MMAB: variants seen among roughly 807,000 people sequenced by gnomAD.
MMAB encodes the protein metabolism of cobalamin associated B.
A neutral mutation model predicts 30.6 loss-of-function variants in MMAB; 17 were observed. That is an observed-to-expected ratio of 0.56 (90% CI 0.38 to 0.83). The LOEUF (loss-of-function observed/expected upper bound fraction) is 0.83, where lower values mean the gene tolerates loss of function less well. Among genes scored for constraint, MMAB ranks in the 40% least tolerant of loss-of-function variants. The pLI is 0.00. For synonymous variants in MMAB, 134 were observed against 138.6 expected (o/e 0.97, Z 0.23); for missense variants, 311 against 331.6 (o/e 0.94, Z 0.48).
rs1483891895 is a variant in MMAB at position 109,558,378 on chromosome 12, G to A, written c.644+718C>T. Among the ~76,000 whole-genome samples the A allele has an allele frequency of 6.6e-6, 1 of 152,162 alleles. No individual in the cohort carries two copies. The highest frequency in any genetic ancestry group is 1.5e-5 in the Non-Finnish European group (1 of 68,024). ...TGCTCAGGACCCGTCAAAGCGCCAT[G>A]TCTCTGGGAGGAGTGGCCACAGTCA... On this transcript the variant is annotated intron_variant, in intron 8 of 8. Transcript: ENST00000545712. This position sits in a 1 kb window ranked among gnomAD's most constrained non-coding sequence, Gnocchi z 4.3.
chr12:109,557,988 C>A (rs1055507198), intron 8 of MMAB, among the ~76,000 whole-genome samples: 2 of 152,228 alleles, frequency 1.3e-5, no homozygotes, highest in African/African-American at 4.8e-5. Flanking sequence ...CTGTCCGCAC[C>A]TTTTGCTGTT....
Position 109,556,648 on chromosome 12 carries a change from T to TCACACACACACACACACACACACA in MMAB, c.*356_*379dup, listed in dbSNP as rs67024670. The TCACACACACACACACACACACACA allele has an allele frequency of 3.3e-6, 1 of 299,376 alleles. No homozygotes were observed. The highest frequency in any genetic ancestry group is 3.5e-5 in the Admixed American group (1 of 28,910). The allele number at this position is 299,376 out of a possible 1,614,324, so 18.5% of individuals were successfully genotyped here. A position where few individuals can be genotyped will look rare whatever the true frequency, so the allele number is the denominator to read the frequency against. The stretch of plus-strand genomic sequence containing the variant: ...GAGCTGGCAGTGGGAGGGCTCTCTC[T>TCACACACACACACACACACACACA]CACACACACACACACACACACACAC... On this transcript the variant is annotated 3_prime_UTR_variant, in exon 9 of 9. Transcript: ENST00000545712.
rs1204546700 is a variant in MMAB, at chr12:109,561,820, G to A, written c.381C>T (p.Ala127=). 1 of 1,609,610 alleles carries A rather than the reference G, an allele frequency of 6.2e-7. No individual in the cohort carries two copies. The highest frequency in any genetic ancestry group is 1.7e-5 in the Admixed American group (1 of 59,708). The change falls in exon 5 of 9, where the codon GCC becomes GCT. Residue 127 remains alanine, a synonymous_variant. Coordinates refer to ENST00000545712, the MANE Select transcript of MMAB (RefSeq NM_052845.4). The surrounding 1 kb of genome is among the most constrained non-coding windows in gnomAD (Gnocchi z 5.3). Reference sequence around the variant, plus strand: ...GGGCCGAGGAGCATGGTGTCGCCAGGGCCGAGCCGACGTCCTGCAATGTGC... The same window carrying A: ...GGGCCGAGGAGCATGGTGTCGCCAGAGCCGAGCCGACGTCCTGCAATGTGC... ...IQCTLQDVGS[A]LATPCSSARE... is the part of the protein sequence containing the mutation.
In MMAB at chr12:109,553,886, C is replaced by T. The variant is rs747166756; in HGVS notation, c.*3142G>A. ...GCAGCAAGGGTGACATTGCCACTGA[C>T]GGGGGCTTCCGAACTGGGGACGTTT... On this transcript the variant is annotated 3_prime_UTR_variant, in exon 9 of 9. Coordinates refer to ENST00000545712, the MANE Select transcript of MMAB (RefSeq NM_052845.4). The T allele has an allele frequency of 2.6e-4, 118 of 453,898 alleles. 1 individual carries two copies. Among genetic ancestry groups the T allele is most frequent in the Middle Eastern group, 6.8e-4 (1 of 1,464 alleles). The allele number at this position is 453,898 out of a possible 1,614,324, so 28.1% of individuals were successfully genotyped here.
chr12:109,561,439 A>G lies in MMAB; in HGVS notation c.500T>C (p.Leu167Pro). Residue 167 changes from leucine (L) to proline (P), a missense_variant, in exon 6 of 9, where the codon CTC becomes CCC. Transcript: ENST00000545712. The surrounding 1 kb of genome is among the most constrained non-coding windows in gnomAD (Gnocchi z 5.3). ...IDKYTSQLPP[L>P]TAFILPSGGK... ...ACCTACAGGCAGGATGAAGGCCGTGAGTGGTGGGAGCTGGCTGGTGTACTT... is the reference window on the plus strand; with the variant it reads ...ACCTACAGGCAGGATGAAGGCCGTGGGTGGTGGGAGCTGGCTGGTGTACTT... 6.4e-7 allele frequency: 1 copy of G among 1,550,916 alleles called. No homozygotes were observed.
rs577753987 is a variant in MMAB at position 109,561,453 on chromosome 12, G to C, written c.486C>G (p.Ser162Arg). The C allele has an allele frequency of 1.3e-6, 2 of 1,550,830 alleles. No individual in the cohort carries two copies. Among genetic ancestry groups the C allele is most frequent in the African/African-American group, 1.4e-5 (1 of 73,180 alleles). ...TGAAGGCCGTGAGTGGTGGGAGCTG[G>C]CTGGTGTACTTGTCGATCCACTGCT... ...ELEQWIDKYT[S>R]QLPPLTAFIL... The change falls in exon 6 of 9, where the codon AGC (serine) becomes AGG (arginine). Residue 162 changes from serine to arginine, a missense_variant. By Grantham distance (110) the Ser-to-Arg change is moderately radical. Transcript: ENST00000545712. The surrounding 1 kb of genome is among the most constrained non-coding windows in gnomAD (Gnocchi z 5.3).
chr12:109,557,181 A>T, intron 8 of MMAB, 45 bp from the exon 9 acceptor site: 6 of 1,301,994 alleles, frequency 4.6e-6, no homozygotes, highest in Non-Finnish European at 5.6e-6. Context: ...GTTTGAAATG[A>T]GAGATCAACG....
rs1430703241 is a variant in MMAB, at chr12:109,554,030, C to T, written c.*2998G>A. The T allele has an allele frequency of 2.2e-6, 1 of 454,140 alleles. No homozygotes were observed. Among genetic ancestry groups the T allele is most frequent in the Non-Finnish European group, 4.4e-6 (1 of 226,806 alleles). The allele number at this position is 454,140 out of a possible 1,614,324, so 28.1% of individuals were successfully genotyped here. A position where few individuals can be genotyped will look rare whatever the true frequency, so the allele number is the denominator to read the frequency against. ...AGGTTGAGAAATGAGACAGCAGGAT[C>T]TATCAGAGCCTGGCATTGTTCGCCA... On this transcript the variant is annotated 3_prime_UTR_variant, in exon 9 of 9. Coordinates refer to ENST00000545712, the MANE Select transcript of MMAB (RefSeq NM_052845.4).
Position 109,561,341 on chromosome 12 carries a change from G to A in MMAB, c.519+79C>T. The A allele has an allele frequency of 1.3e-6, 2 of 1,541,956 alleles. No homozygotes were observed. The highest frequency in any genetic ancestry group is 1.7e-6 in the Non-Finnish European group (2 of 1,147,366). On this transcript the variant is annotated intron_variant, in intron 6 of 8. Coordinates refer to ENST00000545712, the MANE Select transcript of MMAB (RefSeq NM_052845.4). This position sits in a 1 kb window ranked among gnomAD's most constrained non-coding sequence, Gnocchi z 5.3. The stretch of plus-strand genomic sequence containing the variant: ...GACAGCGTCTGTCACTGTGAAAAGA[G>A]GGATTTATTCAGAGCCCATGTGTGT...
intron 8 of MMAB, among the ~76,000 whole-genome samples, chr12:109,557,917 A>G (rs1424114892): frequency 6.6e-6 from 1 of 152,206 alleles, no homozygotes; most frequent in Non-Finnish European, 1.5e-5. Flanking sequence ...AGTGGAGGGA[A>G]CTAGAGGACG....
At chr12:109,562,747 C>T (rs1452785604) in intron 4 of MMAB, among the ~76,000 whole-genome samples, 1 of 152,144 alleles carries the variant, frequency 6.6e-6, no homozygotes, top group African/African-American at 2.4e-5. Context: ...TCAGCCGAGG[C>T]GTGTGGGGAT....
chr12:109,568,691 T>C (rs1418215939), intron 3 of MMAB, 79 bp downstream of exon 3: 2 of 1,116,480 alleles, frequency 1.8e-6, no homozygotes. Context: ...CTGCCCAGCA[T>C]GCGTGAGAGC....
rs1336139656 is a variant in MMAB at position 109,554,026 on chromosome 12, G to C, written c.*3002C>G. The C allele has an allele frequency of 2.2e-6, 1 of 454,024 alleles. No homozygotes were observed. The highest frequency in any genetic ancestry group is 2.0e-5 in the African/African-American group (1 of 50,010). 28.1% of individuals were successfully genotyped at this position (454,024 alleles called of 1,614,324 possible). A position where few individuals can be genotyped will look rare whatever the true frequency, so the allele number is the denominator to read the frequency against. On this transcript the variant is annotated 3_prime_UTR_variant, in exon 9 of 9. Coordinates refer to ENST00000545712, the MANE Select transcript of MMAB (RefSeq NM_052845.4). ...AACTAGGTTGAGAAATGAGACAGCAGGATCTATCAGAGCCTGGCATTGTTC... is the reference window on the plus strand; with the variant it reads ...AACTAGGTTGAGAAATGAGACAGCACGATCTATCAGAGCCTGGCATTGTTC...
At chr12:109,565,645 G>A (rs1884394629) in intron 3 of MMAB, among the ~76,000 whole-genome samples, 1 of 152,216 alleles carries the variant, frequency 6.6e-6, no homozygotes, top group African/African-American at 2.4e-5. Flanking sequence ...TCATGTTCAG[G>A]AGCGTGATAT....
intron 1 of MMAB, 159 bp downstream of exon 1, chr12:109,573,188 G>A (rs1039681076): frequency 2.9e-5 from 26 of 898,936 alleles, no homozygotes; most frequent in Non-Finnish European, 3.9e-5. Flanking sequence ...CCTGGTCTCT[G>A]GCGCCCACGT....
chr12:109,569,000 C>T (rs1884539976), intron 2 of MMAB, 137 bp from the exon 3 acceptor site: 3 of 719,238 alleles, frequency 4.2e-6, no homozygotes, highest in Non-Finnish European at 7.3e-6. Context: ...GGCTGGAGTA[C>T]AGCGGCGTGA....
Position 109,554,468 on chromosome 12 carries a change from T to A in MMAB, c.*2560A>T, listed in dbSNP as rs1399002127. On this transcript the variant is annotated 3_prime_UTR_variant, in exon 9 of 9. Coordinates refer to ENST00000545712, the MANE Select transcript of MMAB (RefSeq NM_052845.4). ...AAACTCAGGGATCGAGTAGTATTTG[T>A]GTGCAATATTTTCCAAAATCAAATT... 8.8e-6 allele frequency: 4 copies of A among 454,018 alleles called. No homozygotes were observed. Among genetic ancestry groups the A allele is most frequent in the Non-Finnish European group, 1.8e-5 (4 of 226,798 alleles). 28.1% of individuals were successfully genotyped at this position (454,018 alleles called of 1,614,324 possible).
chr12:109,557,432 G>A (rs1050472854), intron 8 of MMAB, among the ~76,000 whole-genome samples: 5 of 152,344 alleles, frequency 3.3e-5, no homozygotes, highest in South Asian at 4.1e-4. Flanking sequence ...TCTCTGAGCC[G>A]GTTTTTGCAC....
At chr12:109,566,993 C>G (rs1884453314) in intron 3 of MMAB, 5 of 455,958 alleles carry the variant, frequency 1.1e-5, no homozygotes, top group South Asian at 7.7e-5. Context: ...CTCCCATTAT[C>G]TGTCCCGAAA....
Sources: gnomAD v4.1 joint callset for allele counts (sites outside exome capture counted in the v4.1 genomes callset) on GRCh38, gnomAD v4.1.1 for gene constraint, Gnocchi (gnomAD v3.1) non-coding constraint, MANE v1.5 for transcripts, NCBI Gene and HGNC (gene_info 2026-07-23, HGNC 2026-07-21) for gene names.